FGD4: variants seen among roughly 807,000 people sequenced by gnomAD.
The protein encoded by FGD4 is FYVE, RhoGEF and PH domain containing 4, also known as FYVE, RhoGEF and PH domain-containing protein 4.
FGD4 carries 42 observed loss-of-function variants against 102.0 expected under a neutral mutation model. The observed-to-expected ratio is 0.41, with a 90% confidence interval of 0.32 to 0.53. The LOEUF (loss-of-function observed/expected upper bound fraction) is 0.53, where lower values mean the gene tolerates loss of function less well. Ranked by LOEUF, FGD4 falls within the 20% of genes least tolerant of loss-of-function variation. The pLI is 0.21. For missense variants in FGD4, 902 were observed against 1,078.2 expected, an observed-to-expected ratio of 0.84 and a Z score of 2.29; for synonymous variants, 380 against 375.7, an observed-to-expected ratio of 1.01 and a Z score of -0.13.
chr12:32,607,867 T>C, intron 7 of FGD4, 90 bp from the exon 8 acceptor site: 1 of 1,421,562 alleles, frequency 7.0e-7, no homozygotes, highest in East Asian at 2.3e-5. Flanking sequence ...CGAAAAATAT[T>C]GCCCTTGACG....
chr12:32,467,002 T>A (rs1047623754), intron 1 of FGD4, among the ~76,000 whole-genome samples: 1 of 152,090 alleles, frequency 6.6e-6, no homozygotes, highest in African/African-American at 2.4e-5. Context: ...CATTTTTAGC[T>A]ACATTTTTAT....
chr12:32,636,843 G>T (rs183670473), intron 15 of FGD4, among the ~76,000 whole-genome samples: 2 of 150,362 alleles, frequency 1.3e-5, no homozygotes, highest in East Asian at 3.9e-4. Flanking sequence ...TTAGTTAAAT[G>T]GTTTTGTTCC....
chr12:32,529,856 A>T (rs867282884), intron 1 of FGD4, among the ~76,000 whole-genome samples: 2 of 141,948 alleles, frequency 1.4e-5, no homozygotes, highest in Non-Finnish European at 1.6e-5. Context: ...AAAAAAAAAA[A>T]TTTAAAAAAA....
chr12:32,422,858 T>C (rs1941690529), intron 1 of FGD4, among the ~76,000 whole-genome samples: 1 of 152,190 alleles, frequency 6.6e-6, no homozygotes, highest in Non-Finnish European at 1.5e-5. Flanking sequence ...TAGATGCTGT[T>C]CTAAGTGCTC....
chr12:32,496,040 T>C (rs1937796817), intron 1 of FGD4, among the ~76,000 whole-genome samples: 1 of 152,182 alleles, frequency 6.6e-6, no homozygotes, highest in African/African-American at 2.4e-5. Flanking sequence ...TTTTAAAAGA[T>C]CAGATGAGAG....
chr12:32,447,956 T>A (rs1942667677), intron 1 of FGD4, among the ~76,000 whole-genome samples: 1 of 152,246 alleles, frequency 6.6e-6, no homozygotes, highest in South Asian at 2.1e-4. Context: ...GTGTATATTT[T>A]CACTGTTTGT....
chr12:32,410,828 C>G (rs79885436), intron 1 of FGD4, among the ~76,000 whole-genome samples: 9,499 of 152,140 alleles, frequency 0.062, 421 homozygotes, highest in Middle Eastern at 0.14. Context: ...CTCTGCAAGG[C>G]TGGGGTTGTC....
At chr12:32,434,409 A>T (rs949103225) in intron 1 of FGD4, among the ~76,000 whole-genome samples, 2 of 152,234 alleles carry the variant, frequency 1.3e-5, no homozygotes, top group African/African-American at 4.8e-5. Flanking sequence ...TTTTAAATAC[A>T]GTTTTTTACA....
intron 1 of FGD4, among the ~76,000 whole-genome samples, chr12:32,403,598 C>T (rs987075094): frequency 8.7e-6 from 1 of 114,582 alleles, no homozygotes; most frequent in Non-Finnish European, 1.7e-5. Context: ...AGCAAAACTC[C>T]ATCTTTTTTT....
chr12:32,465,541 A>G (rs1943229327), intron 1 of FGD4, among the ~76,000 whole-genome samples: 1 of 151,902 alleles, frequency 6.6e-6, no homozygotes, highest in Non-Finnish European at 1.5e-5. Context: ...GGTGGCGCAC[A>G]CCTGTAGTCC....
intron 1 of FGD4, among the ~76,000 whole-genome samples, chr12:32,448,956 ATGT>A (rs577013170): frequency 5.7e-4 from 87 of 152,336 alleles, no homozygotes; most frequent in African/African-American, 2.1e-3. Context: ...AGTGAACTAA[ATGT>A]TGTATTTTTA....
chr12:32,548,277 T>G (rs1943386243), intron 1 of FGD4, among the ~76,000 whole-genome samples: 1 of 152,152 alleles, frequency 6.6e-6, no homozygotes, highest in African/African-American at 2.4e-5. Flanking sequence ...AAGTCAAGTT[T>G]CTTATCAAAT....
intron 1 of FGD4, among the ~76,000 whole-genome samples, chr12:32,449,268 T>C (rs1177653753): frequency 6.6e-6 from 1 of 152,224 alleles, no homozygotes; most frequent in Non-Finnish European, 1.5e-5. Context: ...GAAGTTAACA[T>C]TGATCCATTA....
At chr12:32,600,507 G>A (rs545115983) in intron 5 of FGD4, 47 of 1,246,834 alleles carry the variant, frequency 3.8e-5, no homozygotes, top group Non-Finnish European at 4.9e-5. Context: ...TGGCAATTAA[G>A]AGGTATAGTA....
intron 1 of FGD4, among the ~76,000 whole-genome samples, chr12:32,521,837 A>C (rs1940585972): frequency 6.6e-6 from 1 of 152,170 alleles, no homozygotes; most frequent in South Asian, 2.1e-4. Flanking sequence ...CTGTTTACTA[A>C]TACGAGATTA....
At chr12:32,477,453 G>A (rs1311816286) in intron 1 of FGD4, 1 of 152,332 alleles carries the variant, frequency 6.6e-6, no homozygotes, top group Non-Finnish European at 1.5e-5. Flanking sequence ...TTTAGTATAT[G>A]TGCTGCCAAA....
chr12:32,448,603 G>T (rs757853314), intron 1 of FGD4, among the ~76,000 whole-genome samples: 11 of 151,570 alleles, frequency 7.3e-5, no homozygotes, highest in Non-Finnish European at 1.5e-4. Context: ...GTTGCAGTGA[G>T]CTGAGATCGC....
At chr12:32,550,618 C>A (rs1943572455) in intron 1 of FGD4, among the ~76,000 whole-genome samples, 2 of 145,940 alleles carry the variant, frequency 1.4e-5, no homozygotes, top group South Asian at 4.3e-4. Flanking sequence ...CTGCAGTGAG[C>A]CATGACAGTG....
At chr12:32,530,193 A>G (rs904306207) in intron 1 of FGD4, among the ~76,000 whole-genome samples, 1 of 152,060 alleles carries the variant, frequency 6.6e-6, no homozygotes, top group African/African-American at 2.4e-5. Context: ...ATTATGAAAT[A>G]TCATGTGGGC....
Sources: allele counts gnomAD v4.1 joint callset (sites outside exome capture counted in the v4.1 genomes callset), GRCh38; gene constraint gnomAD v4.1.1; transcripts MANE v1.5; gene names NCBI Gene and HGNC (gene_info 2026-07-23, HGNC 2026-07-21).